The following ZBTB25 variants were observed in gnomAD, a reference collection of about 807,000 sequenced individuals.
The protein encoded by ZBTB25 is zinc finger and BTB domain containing 25.
ZBTB25 carries 20 observed loss-of-function variants against 34.2 expected under a neutral mutation model. The observed-to-expected ratio is 0.58, with a 90% confidence interval of 0.41 to 0.85. The LOEUF (loss-of-function observed/expected upper bound fraction) is 0.85. Ranked by LOEUF, ZBTB25 falls within the 40% of genes least tolerant of loss-of-function variation. The pLI is 0.00. For synonymous variants in ZBTB25, 175 were observed against 186.4 expected, an observed-to-expected ratio of 0.94 and a Z score of 0.50; for missense variants, 437 against 521.8, an observed-to-expected ratio of 0.84 and a Z score of 1.58.
At chr14:64,495,597 TCTC>T (rs530658118) in intron 1 of ZBTB25, among the ~76,000 whole-genome samples, 146 of 152,352 alleles carry the variant, frequency 9.6e-4, no homozygotes, top group African/African-American at 3.3e-3. Flanking sequence ...TCATTGCTGT[TCTC>T]CTCTTCCAGT....
chr14:64,451,567 A>G (rs1203893145), intron 2 of ZBTB25, among the ~76,000 whole-genome samples: 1 of 152,252 alleles, frequency 6.6e-6, no homozygotes, highest in African/African-American at 2.4e-5. Context: ...ACAAATTTGC[A>G]CACAAATGCA....
rs10136732 is a variant in ZBTB25, at chr14:64,484,255, C to A, written c.*2668G>T. The A allele has an allele frequency of 6.6e-6, 1 of 152,104 alleles. No individual in the cohort carries two copies. The allele number at this position is 152,104 out of a possible 1,614,324, so 9.4% of individuals were successfully genotyped here. On this transcript the variant is annotated 3_prime_UTR_variant, in exon 3 of 3. Transcript: ENST00000608382. ...TGCTTTAAATGAGTGTTGTCTATCA[C>A]GGCCAATCAGCTGCTAGCAAACTCT...
chr14:64,453,130 T>C (rs1312804870), intron 2 of ZBTB25, among the ~76,000 whole-genome samples: 3 of 152,006 alleles, frequency 2.0e-5, no homozygotes, highest in East Asian at 1.9e-4. Flanking sequence ...TATGTAAGTA[T>C]ATATTTAAAA....
chr14:64,462,356 A>C (rs1435332442), intron 2 of ZBTB25: 1 of 152,440 alleles, frequency 6.6e-6, no homozygotes, highest in Non-Finnish European at 1.5e-5. Context: ...TAGGAGTTCG[A>C]GGCCGCAGTG....
rs1333274069 is a variant in ZBTB25, at chr14:64,485,072, C to A, written c.*1851G>T. 3.0e-6 allele frequency: 3 copies of A among 985,346 alleles called. No homozygotes were observed. Among genetic ancestry groups the A allele is most frequent in the Admixed American group, 6.1e-5 (1 of 16,264 alleles). 61.0% of individuals were successfully genotyped at this position (985,346 alleles called of 1,614,324 possible). A position where few individuals can be genotyped will look rare whatever the true frequency, so the allele number is the denominator to read the frequency against. ...TCACTTGTTTAAGGCAGAAACTCAA[C>A]TGCCTTACACAATATCCAGTAGCTT... On this transcript the variant is annotated 3_prime_UTR_variant, in exon 3 of 3. Coordinates refer to ENST00000608382, the MANE Select transcript of ZBTB25 (RefSeq NM_006977.5).
chr14:64,458,131 T>C (rs963704931), intron 2 of ZBTB25: 1 of 1,092,894 alleles, frequency 9.2e-7, no homozygotes, highest in Non-Finnish European at 1.4e-6. Flanking sequence ...CCTCAAGTGA[T>C]CCTCTCCACC....
chr14:64,469,628 G>A, intron 2 of ZBTB25: 2 of 1,606,806 alleles, frequency 1.2e-6, no homozygotes, highest in East Asian at 2.2e-5. Flanking sequence ...AGAACAGCTG[G>A]TTAATGAAAT....
rs1304258005 is a variant in ZBTB25 at position 64,486,737 on chromosome 14, T to TACATTTTAATAGCC, written c.*172_*185dup. 5.6e-6 allele frequency: 7 copies of TACATTTTAATAGCC among 1,258,208 alleles called. No individual in the cohort carries two copies. The African/African-American group carries it at 9.2e-5, about 17-fold the overall frequency. The allele number at this position is 1,258,208 out of a possible 1,614,324, so 77.9% of individuals were successfully genotyped here. A position where few individuals can be genotyped will look rare whatever the true frequency, so the allele number is the denominator to read the frequency against. On this transcript the variant is annotated 3_prime_UTR_variant, in exon 3 of 3. Transcript: ENST00000608382. Reference sequence around the variant, plus strand: ...AAAGTTCACAGTAGTAATTGAATGTTACATTTTAATAGCCACATATTAATA... The same window carrying TACATTTTAATAGCC: ...AAAGTTCACAGTAGTAATTGAATGTTACATTTTAATAGCCACATTTTAATAGCCACATATTAATA...
At chr14:64,504,293 C>CGACGGGGCAGGGCGAGGTT (rs2079598365), upstream of ZBTB25, among the ~76,000 whole-genome samples, 1 of 151,896 alleles carries the variant, frequency 6.6e-6, no homozygotes, top group Non-Finnish European at 1.5e-5. Context: ...GACCCTGAAC[C>CGACGGGGCAGGGCGAGGTT]GACGGGGCAG....
intron 1 of ZBTB25, 140 bp downstream of exon 1, chr14:64,503,521 A>G (rs766594981): frequency 1.5e-4 from 143 of 985,666 alleles, no homozygotes; most frequent in Non-Finnish European, 1.6e-4. Context: ...TGACATCTCA[A>G]TCGGACCAAA....
chr14:64,472,762 C>T (rs1177221270), intron 2 of ZBTB25: 2 of 166,802 alleles, frequency 1.2e-5, no homozygotes, highest in Middle Eastern at 3.4e-3. Context: ...AATCAGATGG[C>T]TTCAGAGTCA....
chr14:64,468,648 T>C lies in ZBTB25; in HGVS notation c.174-19010A>G. On this transcript the variant is annotated intron_variant, in intron 2 of 2. Transcript: ENST00000555220. ...GGGGCCTGGGCCTCACTCAAACGTC[T>C]TGTAACACGCAGGAAAAGGTCAGAG... The C allele has an allele frequency of 1.9e-6, 3 of 1,613,950 alleles. No homozygotes were observed. The highest frequency in any genetic ancestry group is 2.5e-6 in the Non-Finnish European group (3 of 1,180,034).
rs2078890489 is a variant in ZBTB25 at position 64,487,116 on chromosome 14, T to C, written c.1115A>G (p.Lys372Arg). ...SQLLEHMYTH[K>R]GKSYRYNRCQ... ...TCGGTTATATCTGTAAGATTTACCT[T>C]TGTGTGTATACATGTGTTCCAACAA... The change falls in exon 3 of 3, where the codon AAA (lysine) becomes AGA (arginine). Residue 372 changes from lysine (K) to arginine (R), a missense_variant. Physicochemically the swap from Lys to Arg is conservative, Grantham distance 26 (BLOSUM62 2). Transcript: ENST00000608382. 1.9e-6 allele frequency: 3 copies of C among 1,614,116 alleles called. No homozygotes were observed. In the South Asian group the frequency reaches 3.3e-5, roughly 18 times the overall value.
chr14:64,468,738 ATCTT>A, intron 2 of ZBTB25: 1 of 1,614,236 alleles, frequency 6.2e-7, no homozygotes, highest in South Asian at 1.1e-5. Flanking sequence ...GAGGATGCTG[ATCTT>A]TCTAAGAAAA....
At position 64,479,255 on chromosome 14, in the gene ZBTB25, T is replaced by C. The variant is rs1302119286; in HGVS notation, c.*7668A>G. 2 of 152,142 alleles carry C rather than the reference T, an allele frequency of 1.3e-5. No homozygotes were observed. The highest frequency in any genetic ancestry group is 1.3e-4 in the Admixed American group (2 of 15,268). 9.4% of individuals were successfully genotyped at this position (152,142 alleles called of 1,614,324 possible). A position where few individuals can be genotyped will look rare whatever the true frequency, so the allele number is the denominator to read the frequency against. ...TTGGTCAACCTCAGCTCTAATGACA[T>C]TTTGAGGTACATATTCTGTATTGCG... is the stretch of plus-strand genomic sequence containing the variant. On this transcript the variant is annotated 3_prime_UTR_variant, in exon 3 of 3. Transcript: ENST00000608382.
downstream of ZBTB25, among the ~76,000 whole-genome samples, chr14:64,476,690 G>T (rs910422204): frequency 6.6e-6 from 1 of 152,092 alleles, no homozygotes; most frequent in Non-Finnish European, 1.5e-5. Context: ...CTATATGGCT[G>T]AGATGCAGAA....
chr14:64,452,642 A>C (rs2140986298), intron 2 of ZBTB25, among the ~76,000 whole-genome samples: 1 of 152,294 alleles, frequency 6.6e-6, no homozygotes, highest in South Asian at 2.1e-4. Flanking sequence ...TGATCATGTA[A>C]ATCACTGGGT....
chr14:64,469,941 T>C (rs775886843), intron 2 of ZBTB25: 16 of 317,436 alleles, frequency 5.0e-5, no homozygotes, highest in Non-Finnish European at 9.0e-5. Context: ...AAATGGCATA[T>C]GGAGATTGGA....
At chr14:64,466,540 A>G (rs2078615320) in intron 2 of ZBTB25, among the ~76,000 whole-genome samples, 1 of 152,240 alleles carries the variant, frequency 6.6e-6, no homozygotes, top group African/African-American at 2.4e-5. Flanking sequence ...CTTAGGTTCT[A>G]GTGCTCACTG....
Sources: gnomAD v4.1 joint callset for allele counts (sites outside exome capture counted in the v4.1 genomes callset) on GRCh38, gnomAD v4.1.1 for gene constraint, MANE v1.5 for transcripts, NCBI Gene and HGNC (gene_info 2026-07-23, HGNC 2026-07-21) for gene names.